STK3: variants seen among roughly 807,000 people sequenced by gnomAD.
STK3 encodes the protein serine/threonine-protein kinase 3.
In STK3, 41 loss-of-function variants were observed where a neutral mutation model predicts 58.0. The observed-to-expected ratio is 0.71, with a 90% confidence interval of 0.55 to 0.92. STK3 has a LOEUF of 0.92. STK3 is among the 40% of genes least tolerant of loss of function. The probability of loss-of-function intolerance (pLI) is 0.00; values close to 1 mark genes in which losing one functional copy is unlikely to be tolerated. For missense variants in STK3, 479 were observed against 602.7 expected (o/e 0.79, Z 2.15); for synonymous variants, 170 against 191.0 (o/e 0.89, Z 0.91).
intron 10 of STK3, among the ~76,000 whole-genome samples, chr8:98,492,698 G>T (rs888859005): frequency 7.9e-5 from 12 of 152,040 alleles, no homozygotes; most frequent in African/African-American, 2.9e-4. Flanking sequence ...TTTGGCAAGA[G>T]AACTGATAAA....
At chr8:98,650,142 T>A (rs1393247811) in intron 6 of STK3, among the ~76,000 whole-genome samples, 2 of 152,224 alleles carry the variant, frequency 1.3e-5, no homozygotes, top group African/African-American at 2.4e-5. Flanking sequence ...TTGGATATCA[T>A]AAGCATACAA....
chr8:98,479,379 C>T (rs548998495), intron 10 of STK3, among the ~76,000 whole-genome samples: 37 of 150,716 alleles, frequency 2.5e-4, no homozygotes, highest in South Asian at 8.4e-4. Flanking sequence ...CCCAGTGACT[C>T]GGGAGGCTGA....
chr8:98,822,436 A>G (rs1047657195), intron 1 of STK3, among the ~76,000 whole-genome samples: 5 of 152,148 alleles, frequency 3.3e-5, no homozygotes, highest in Non-Finnish European at 7.4e-5. Context: ...TCAGCCCCAC[A>G]AAGTGCTGAG....
At chr8:98,854,231 C>G (rs184996264) in intron 3 of STK3, among the ~76,000 whole-genome samples, 1 of 152,066 alleles carries the variant, frequency 6.6e-6, no homozygotes, top group Non-Finnish European at 1.5e-5. Context: ...CTCTGCCTCC[C>G]GGGTTCAAGT....
At chr8:98,570,292 C>T (rs1269809652) in intron 8 of STK3, among the ~76,000 whole-genome samples, 3 of 150,828 alleles carry the variant, frequency 2.0e-5, no homozygotes, top group Admixed American at 2.0e-4. Flanking sequence ...CCAAGCCTAG[C>T]TAATTTTGTG....
At chr8:98,707,710 T>A (rs918047609) in intron 4 of STK3, among the ~76,000 whole-genome samples, 2 of 152,068 alleles carry the variant, frequency 1.3e-5, no homozygotes, top group African/African-American at 2.4e-5. Context: ...TAGCCACAAG[T>A]ACTTCTTTCT....
chr8:98,839,056 G>T (rs1209911903), intron 3 of STK3, among the ~76,000 whole-genome samples: 1 of 151,408 alleles, frequency 6.6e-6, no homozygotes, highest in Non-Finnish European at 1.5e-5. Context: ...TTTTGGGGGG[G>T]GGCGGTTTGA....
At chr8:98,448,281 T>A (rs1819045070) in intron 1 of STK3, among the ~76,000 whole-genome samples, 1 of 152,174 alleles carries the variant, frequency 6.6e-6, no homozygotes, top group Non-Finnish European at 1.5e-5. Flanking sequence ...ATATACTTTA[T>A]GGAAGGACAA....
Position 98,413,587 on chromosome 8 carries a change from T to C in STK3, n.484-12074A>G, listed in dbSNP as rs1265060145. 42 of 681,820 alleles carry C rather than the reference T, an allele frequency of 6.2e-5. No individual in the cohort carries two copies. The Admixed American group carries it at 7.9e-4, about 13-fold the overall frequency. The allele number at this position is 681,820 out of a possible 1,614,324, so 42.2% of individuals were successfully genotyped here. A position where few individuals can be genotyped will look rare whatever the true frequency, so the allele number is the denominator to read the frequency against. The stretch of plus-strand genomic sequence containing the variant: ...GATGACAACTTTGTGTCTAAAATGT[T>C]GAGAGTTGTTTCAATTTGTTGGATA... On this transcript the variant is annotated intron_variant and non_coding_transcript_variant, in intron 3 of 3. Transcript: ENST00000517832.
At chr8:98,755,732 A>G (rs1266461547) in intron 3 of STK3, among the ~76,000 whole-genome samples, 1 of 152,216 alleles carries the variant, frequency 6.6e-6, no homozygotes, top group East Asian at 1.9e-4. Context: ...TCCTGCAAGG[A>G]CTTTGTCATT....
chr8:98,392,346 C>A (rs1203189472), upstream of STK3, among the ~76,000 whole-genome samples: 1 of 152,152 alleles, frequency 6.6e-6, no homozygotes, highest in Non-Finnish European at 1.5e-5. Context: ...TTCCATATTT[C>A]ATCCTAAACA....
intron 1 of STK3, among the ~76,000 whole-genome samples, chr8:98,807,749 A>G (rs978016144): frequency 6.6e-6 from 1 of 152,222 alleles, no homozygotes; most frequent in South Asian, 2.1e-4. Flanking sequence ...GTCACTGTCA[A>G]TTATGCACTG....
intron 4 of STK3, among the ~76,000 whole-genome samples, chr8:98,712,290 C>T (rs979672224): frequency 5.9e-5 from 9 of 152,040 alleles, no homozygotes; most frequent in South Asian, 2.1e-4. Context: ...CAATATTAAC[C>T]TTAAACGTAA....
intron 4 of STK3, among the ~76,000 whole-genome samples, chr8:98,735,485 G>A (rs946516147): frequency 2.6e-5 from 4 of 152,104 alleles, no homozygotes; most frequent in African/African-American, 9.7e-5. Context: ...TTGTGAGTCT[G>A]ATCACAAAAA....
chr8:98,559,236 T>A (rs1161120946), intron 8 of STK3, among the ~76,000 whole-genome samples: 1 of 152,208 alleles, frequency 6.6e-6, no homozygotes, highest in Non-Finnish European at 1.5e-5. Flanking sequence ...GTTTCTTGAT[T>A]TGATAAGTAT....
rs563598602 is a variant in STK3, at chr8:98,402,383, G to A, written n.484-870C>T. On this transcript the variant is annotated intron_variant and non_coding_transcript_variant, in intron 3 of 3. Coordinates refer to the STK3 transcript ENST00000517832. The stretch of plus-strand genomic sequence containing the variant: ...ATCTAGCATCCTAACACATTCCTGT[G>A]TCCTCTTTCAGAGAGTCCAAGGGAT... 1.5e-3 allele frequency among the ~76,000 whole-genome samples: 235 copies of A among 152,302 alleles called. 2 individuals are homozygous for A. The highest frequency in any genetic ancestry group is 2.5e-3 in the Non-Finnish European group (173 of 68,030).
intron 1 of STK3, chr8:98,438,362 T>A (rs1818567780): frequency 6.6e-6 from 1 of 152,336 alleles, no homozygotes; most frequent in East Asian, 1.9e-4. Flanking sequence ...TGTGCTGATA[T>A]TTCAGGGAAG....
chr8:98,653,354 G>A (rs1204980561), intron 6 of STK3, among the ~76,000 whole-genome samples: 4 of 152,090 alleles, frequency 2.6e-5, no homozygotes, highest in Non-Finnish European at 4.4e-5. Context: ...GAAATTTATA[G>A]CACTAAATAC....
chr8:98,577,773 C>G (rs1813534554), intron 8 of STK3, among the ~76,000 whole-genome samples: 1 of 152,000 alleles, frequency 6.6e-6, no homozygotes, highest in Admixed American at 6.5e-5. Context: ...CTACAAATAC[C>G]ATGATAATAA....
Sources: allele counts gnomAD v4.1 joint callset (sites outside exome capture counted in the v4.1 genomes callset), GRCh38; gene constraint gnomAD v4.1.1; transcripts MANE v1.5; gene names NCBI Gene and HGNC (gene_info 2026-07-23, HGNC 2026-07-21).